The following POT1 variants were observed in gnomAD, a reference collection of about 807,000 sequenced individuals.
The protein encoded by POT1 is protection of telomeres protein 1.
A neutral mutation model predicts 78.5 loss-of-function variants in POT1; 47 were observed. The ratio of observed to expected loss-of-function variants is 0.60; its 90% CI spans 0.47 to 0.76. The LOEUF is 0.76. Among genes scored for constraint, POT1 ranks in the 30% least tolerant of loss-of-function variants. POT1 has a pLI of 0.00. For missense variants in POT1, 646 were observed against 749.9 expected (o/e 0.86, Z 1.62); for synonymous variants, 259 against 260.7 (o/e 0.99, Z 0.06).
At chr7:124,894,083 G>A (rs1051736292) in intron 5 of POT1, among the ~76,000 whole-genome samples, 1 of 151,482 alleles carries the variant, frequency 6.6e-6, no homozygotes, top group African/African-American at 2.4e-5. Flanking sequence ...AAGCCTTAAA[G>A]GGCTTTGTAT....
chr7:124,845,271 A>C (rs1186577256), intron 12 of POT1, among the ~76,000 whole-genome samples: 1 of 152,116 alleles, frequency 6.6e-6, no homozygotes, highest in African/African-American at 2.4e-5. Context: ...TTTAATTCTC[A>C]TGTCTCTTTA....
At chr7:124,846,165 A>ACACACACACG (rs1345097969) in intron 12 of POT1, among the ~76,000 whole-genome samples, 1 of 151,004 alleles carries the variant, frequency 6.6e-6, no homozygotes, top group Non-Finnish European at 1.5e-5. Flanking sequence ...TCATACTGAC[A>ACACACACACG]CACACACACA....
In POT1 at chr7:124,838,993, T is replaced by G. The variant is rs143957334; in HGVS notation, c.1369+1980A>C. ...ACATGGAAATGCAAAAGATTTACAA[T>G]AGCCAACACAATACTCAAGAAAAAG... On this transcript the variant is annotated intron_variant, in intron 14 of 18. Coordinates refer to ENST00000357628, the MANE Select transcript of POT1 (RefSeq NM_015450.3). Among the ~76,000 whole-genome samples, 854 of 152,246 alleles carry G rather than the reference T, an allele frequency of 5.6e-3. 7 individuals are homozygous for G. The highest frequency in any genetic ancestry group is 0.024 in the Middle Eastern group (7 of 294).
chr7:124,919,091 C>A (rs575285853), intron 2 of POT1, among the ~76,000 whole-genome samples: 1 of 152,266 alleles, frequency 6.6e-6, no homozygotes, highest in East Asian at 1.9e-4. Flanking sequence ...CTACTATACA[C>A]CGAGGCTATA....
intron 6 of POT1, among the ~76,000 whole-genome samples, chr7:124,884,456 G>A (rs1313269651): frequency 6.6e-6 from 1 of 152,110 alleles, no homozygotes; most frequent in Non-Finnish European, 1.5e-5. Context: ...ATCCAAGACT[G>A]CTAAACAAAC....
intron 3 of POT1, among the ~76,000 whole-genome samples, chr7:124,913,542 C>A (rs1267801219): frequency 6.6e-6 from 1 of 152,130 alleles, no homozygotes; most frequent in East Asian, 1.9e-4. Flanking sequence ...ATCTAACAAT[C>A]CATTGCCAAA....
chr7:124,929,700 A>G (rs1162089634), intron 1 of POT1, 94 bp downstream of exon 1: 1 of 152,228 alleles, frequency 6.6e-6, no homozygotes, highest in African/African-American at 2.4e-5. Context: ...TGCGATAATT[A>G]CATCAAATTT....
intron 5 of POT1, among the ~76,000 whole-genome samples, chr7:124,896,433 C>T (rs1450175073): frequency 2.0e-5 from 3 of 151,654 alleles, no homozygotes; most frequent in Non-Finnish European, 4.4e-5. Flanking sequence ...TTATTGGTAA[C>T]AGTTCCCCCA....
intron 6 of POT1, among the ~76,000 whole-genome samples, 177 bp downstream of exon 6, chr7:124,892,089 C>T (rs1796385455): frequency 6.6e-6 from 1 of 151,566 alleles, no homozygotes; most frequent in African/African-American, 2.4e-5. Flanking sequence ...ACTCTAGAAT[C>T]TAAAGATCAC....
intron 16 of POT1, among the ~76,000 whole-genome samples, chr7:124,827,628 C>T (rs557518933): frequency 6.6e-6 from 1 of 152,256 alleles, no homozygotes; most frequent in East Asian, 1.9e-4. Context: ...AGATACTCAA[C>T]CTATAATTAA....
At chr7:124,853,352 G>T in intron 9 of POT1, 1 of 467,928 alleles carries the variant, frequency 2.1e-6, no homozygotes, top group Non-Finnish European at 3.8e-6. Context: ...GCATGCATAT[G>T]CGTGTGTGCA....
chr7:124,916,252 TA>T (rs1443223238), intron 2 of POT1, among the ~76,000 whole-genome samples: 3 of 152,148 alleles, frequency 2.0e-5, no homozygotes, highest in African/African-American at 7.2e-5. Flanking sequence ...ATATAGCTAA[TA>T]AAAAATAGAT....
intron 6 of POT1, 128 bp from the exon 7 acceptor site, chr7:124,871,169 A>G: frequency 2.8e-6 from 2 of 715,750 alleles, no homozygotes; most frequent in Middle Eastern, 4.6e-4. Flanking sequence ...GAGGATTAAA[A>G]CAGAGACATT....
intron 13 of POT1, 111 bp downstream of exon 13, chr7:124,842,696 A>G (rs1795056571): frequency 1.2e-6 from 1 of 825,842 alleles, no homozygotes; most frequent in Non-Finnish European, 1.7e-6. Flanking sequence ...CTTGCAAAAT[A>G]TAATATATAT....
At chr7:124,866,411 C>T (rs542900963) in intron 7 of POT1, among the ~76,000 whole-genome samples, 1 of 140,746 alleles carries the variant, frequency 7.1e-6, no homozygotes, top group Non-Finnish European at 1.6e-5. Flanking sequence ...CACCCCATTA[C>T]TAGACCTCCA....
Position 124,822,435 on chromosome 7 carries a change from C to T in POT1, c.*1527G>A. The T allele has an allele frequency of 2.8e-6, 1 of 355,324 alleles. No individual in the cohort carries two copies. The allele number at this position is 355,324 out of a possible 1,614,324, so 22.0% of individuals were successfully genotyped here. ...AAAACAAAAATAAGAAGAGACATGG[C>T]CTATCATCATGAAGATTCATAGGAA... On this transcript the variant is annotated 3_prime_UTR_variant, in exon 19 of 19. Coordinates refer to ENST00000357628, the MANE Select transcript of POT1 (RefSeq NM_015450.3).
At chr7:124,906,223 A>C (rs1431154208) in intron 3 of POT1, among the ~76,000 whole-genome samples, 1 of 152,158 alleles carries the variant, frequency 6.6e-6, no homozygotes, top group Non-Finnish European at 1.5e-5. Flanking sequence ...ACCATAGCAA[A>C]GACTTGGAAG....
intron 7 of POT1, among the ~76,000 whole-genome samples, chr7:124,868,725 G>A (rs1795792218): frequency 6.7e-6 from 1 of 149,278 alleles, no homozygotes; most frequent in African/African-American, 2.4e-5. Context: ...TGGATTATTT[G>A]AATATAATTC....
intron 7 of POT1, among the ~76,000 whole-genome samples, chr7:124,864,445 G>A (rs1398630197): frequency 6.6e-6 from 1 of 151,978 alleles, no homozygotes; most frequent in African/African-American, 2.4e-5. Context: ...CCATATTTGA[G>A]TCTACTATCT....
Sources: allele counts gnomAD v4.1 joint callset (sites outside exome capture counted in the v4.1 genomes callset), GRCh38; gene constraint gnomAD v4.1.1; transcripts MANE v1.5; gene names NCBI Gene and HGNC (gene_info 2026-07-23, HGNC 2026-07-21).